The following CD99L2 variants were observed in gnomAD, a reference collection of about 807,000 sequenced individuals.
CD99L2 encodes CD99 molecule like 2.
CD99L2 carries 24 observed loss-of-function variants against 27.3 expected under a neutral mutation model. The observed-to-expected ratio is 0.88, with a 90% CI of 0.64 to 1.24. The LOEUF (loss-of-function observed/expected upper bound fraction) is 1.24, where lower values mean the gene tolerates loss of function less well. CD99L2 is among the 50% of genes most tolerant of loss of function. The probability of loss-of-function intolerance (pLI) is 0.00; values close to 1 mark genes in which losing one functional copy is unlikely to be tolerated. For synonymous variants in CD99L2, 97 were observed against 87.9 expected (o/e 1.10, Z -0.58); for missense variants, 255 against 221.6 (o/e 1.15, Z -0.96).
intron 4 of CD99L2, among the ~76,000 whole-genome samples, chrX:150,814,559 T>C (rs2046122701): frequency 8.9e-6 from 1 of 112,864 alleles, no homozygotes; most frequent in South Asian, 3.6e-4. Flanking sequence ...CATAAAAATG[T>C]TATTTATGTT....
intron 4 of CD99L2, among the ~76,000 whole-genome samples, chrX:150,813,247 GA>G (rs1294152705): frequency 9.0e-5 from 10 of 111,591 alleles, no homozygotes; most frequent in African/African-American, 3.3e-4. Context: ...ACAAAACTAG[GA>G]AATTTGAATA....
intron 1 of CD99L2, among the ~76,000 whole-genome samples, chrX:150,873,919 T>C (rs1454728945): frequency 8.9e-6 from 1 of 112,547 alleles, no homozygotes; most frequent in Non-Finnish European, 1.9e-5. Context: ...GCTGCTGTGA[T>C]TCAAGTTTCT....
At position 150,773,725 on chromosome X, in the gene CD99L2, T is replaced by C. The variant is rs978144800; in HGVS notation, c.655+2449A>G. 5.3e-5 allele frequency among the ~76,000 whole-genome samples: 6 copies of C among 112,509 alleles called. No individual in the cohort carries two copies. The Admixed American group carries it at 5.6e-4, about 11-fold the overall frequency. ...AGGATATAAACCGAGATTGGAATGATATGGCCACAAGCCAAGGAACATCCG... is the reference window on the plus strand; with the variant it reads ...AGGATATAAACCGAGATTGGAATGACATGGCCACAAGCCAAGGAACATCCG... On this transcript the variant is annotated intron_variant, in intron 9 of 10. Coordinates refer to ENST00000370377, the MANE Select transcript of CD99L2 (RefSeq NM_031462.4).
intron 1 of CD99L2, among the ~76,000 whole-genome samples, chrX:150,834,884 T>C (rs2046502674): frequency 8.9e-6 from 1 of 112,487 alleles, no homozygotes; most frequent in Non-Finnish European, 1.9e-5. Flanking sequence ...GTGGTACATA[T>C]ATAAATGGAG....
At chrX:150,769,342 C>T (rs199654366) in intron 10 of CD99L2, among the ~76,000 whole-genome samples, 10 of 112,132 alleles carry the variant, frequency 8.9e-5, no homozygotes, top group Middle Eastern at 4.6e-3. Flanking sequence ...AAAAAATGAG[C>T]GTGTTCCTGC....
At chrX:150,862,176 C>A (rs1557421927) in intron 1 of CD99L2, among the ~76,000 whole-genome samples, 1 of 111,813 alleles carries the variant, frequency 8.9e-6, no homozygotes. Context: ...TGATATAATA[C>A]AAAGGTAATA....
intron 1 of CD99L2, among the ~76,000 whole-genome samples, chrX:150,884,230 G>T (rs1338211527): frequency 8.9e-6 from 1 of 111,775 alleles, no homozygotes; most frequent in African/African-American, 3.3e-5. Context: ...TATCATATTA[G>T]AAATTAAAAC....
rs376274160 is a variant in CD99L2, at chrX:150,802,817, G to A, written c.278-7331C>T. ...AGGATGGTGTCGATCTCCTGACCTC[G>A]TGATCTGCCCGCCTTGGCCTCCCAA... is the stretch of plus-strand genomic sequence containing the variant. On this transcript the variant is annotated intron_variant, in intron 4 of 10. Transcript: ENST00000370377. Among the ~76,000 whole-genome samples the A allele has an allele frequency of 6.1e-4, 61 of 100,668 alleles. No homozygotes were observed. The East Asian group carries it at 0.012, about 19-fold the overall frequency. 87.4% of individuals were successfully genotyped at this position (100,668 alleles called of 115,157 possible).
At chrX:150,861,507 G>C (rs1213453083) in intron 1 of CD99L2, among the ~76,000 whole-genome samples, 2 of 111,661 alleles carry the variant, frequency 1.8e-5, no homozygotes, top group Non-Finnish European at 3.8e-5. Flanking sequence ...ACATGGACTG[G>C]GGAAAGGATA....
At chrX:150,880,754 A>G (rs1906051516) in intron 1 of CD99L2, among the ~76,000 whole-genome samples, 1 of 111,760 alleles carries the variant, frequency 8.9e-6, no homozygotes, top group Non-Finnish European at 1.9e-5. Flanking sequence ...TCCTCTACAC[A>G]AAAAAGCCTT....
intron 1 of CD99L2, among the ~76,000 whole-genome samples, chrX:150,849,638 C>T (rs2046759402): frequency 8.9e-6 from 1 of 111,773 alleles, no homozygotes; most frequent in Non-Finnish European, 1.9e-5. Flanking sequence ...GCCATGACCG[C>T]ACCACTGCGC....
chrX:150,830,363 C>A (rs1603301219), intron 2 of CD99L2, among the ~76,000 whole-genome samples: 1 of 110,188 alleles, frequency 9.1e-6, no homozygotes, highest in East Asian at 2.9e-4. Flanking sequence ...CCAGCTTGGA[C>A]AAAACAGTGA....
chrX:150,894,431 A>G (rs1391776339), intron 1 of CD99L2, among the ~76,000 whole-genome samples: 1 of 112,145 alleles, frequency 8.9e-6, no homozygotes, highest in African/African-American at 3.2e-5. Context: ...AGTTAGGCAA[A>G]TGGGACAGAG....
chrX:150,803,352 T>A (rs1557420150), intron 4 of CD99L2, among the ~76,000 whole-genome samples: 1 of 112,272 alleles, frequency 8.9e-6, no homozygotes, highest in African/African-American at 3.2e-5. Flanking sequence ...AAATGTCAAC[T>A]GTCCCAAAAT....
chrX:150,887,763 G>A (rs1330254666), intron 1 of CD99L2, among the ~76,000 whole-genome samples: 2 of 111,900 alleles, frequency 1.8e-5, no homozygotes, highest in South Asian at 3.7e-4. Context: ...GAGAGAACCC[G>A]ACCGCTGAGG....
At chrX:150,795,121 C>A in intron 6 of CD99L2, 85 bp downstream of exon 6, 5 of 1,073,032 alleles carry the variant, frequency 4.7e-6, no homozygotes, top group Non-Finnish European at 6.5e-6. Flanking sequence ...GCTTGAAGTG[C>A]CTCCAGCTCT....
At chrX:150,897,290 G>A (rs1286492867) in intron 1 of CD99L2, among the ~76,000 whole-genome samples, 1 of 112,559 alleles carries the variant, frequency 8.9e-6, no homozygotes, top group Non-Finnish European at 1.9e-5. Flanking sequence ...GGACCAGGAT[G>A]TAAGCTCCAT....
intron 1 of CD99L2, among the ~76,000 whole-genome samples, chrX:150,894,222 G>C (rs1170517633): frequency 1.8e-5 from 2 of 111,805 alleles, no homozygotes; most frequent in African/African-American, 6.5e-5. Context: ...GCCAACTCTG[G>C]ACATTTTGTA....
chrX:150,769,222 G>A (rs782662756), intron 10 of CD99L2, 121 bp from the exon 11 acceptor site: 106 of 829,320 alleles, frequency 1.3e-4, no homozygotes, highest in Non-Finnish European at 1.6e-4. Flanking sequence ...CTGGGGGGCC[G>A]CTTAGCAACC....
Sources: gnomAD v4.1 joint callset for allele counts (sites outside exome capture counted in the v4.1 genomes callset) on GRCh38, gnomAD v4.1.1 for gene constraint, MANE v1.5 for transcripts, NCBI Gene and HGNC (gene_info 2026-07-23, HGNC 2026-07-21) for gene names.